The following DISP3 variants were observed in gnomAD, a reference collection of about 807,000 sequenced individuals.
The protein encoded by DISP3 is dispatched RND transporter family member 3.
DISP3 carries 101 observed loss-of-function variants against 135.3 expected under a neutral mutation model. The ratio of observed to expected loss-of-function variants is 0.75; its 90% CI spans 0.64 to 0.88. DISP3 has a LOEUF of 0.88. Among genes scored for constraint, DISP3 ranks in the 40% least tolerant of loss-of-function variants. The pLI is 0.00. For synonymous variants in DISP3, 856 were observed against 817.0 expected, an observed-to-expected ratio of 1.05 and a Z score of -0.81; for missense variants, 1,713 against 1,878.6, an observed-to-expected ratio of 0.91 and a Z score of 1.63.
intron 1 of DISP3, among the ~76,000 whole-genome samples, chr1:11,486,179 C>A (rs111777123): frequency 1.6e-4 from 24 of 152,180 alleles, no homozygotes; most frequent in African/African-American, 4.8e-4. Context: ...CTTTTCCTTC[C>A]ATGTAGACAC....
In DISP3 at chr1:11,502,883, C is replaced by G. The variant is rs1414703490; in HGVS notation, c.1302C>G (p.Ala434=). The G allele has an allele frequency of 6.2e-7, 1 of 1,613,034 alleles. No homozygotes were observed. Among genetic ancestry groups the G allele is most frequent in the South Asian group, 1.1e-5 (1 of 90,886 alleles). ...TGGTCACCTACGTGGCCATGCTGGC[C>G]AAGCAGTCTACCAGGTAGGAAGTCC... The part of the protein sequence containing the change: ...SFVVTYVAML[A]KQSTSKVQVL... Residue 434 remains alanine, a synonymous_variant, in exon 3 of 21, where the codon GCC becomes GCG. Coordinates refer to ENST00000294484, the MANE Select transcript of DISP3 (RefSeq NM_020780.2).
At chr1:11,522,739 G>A (rs377761951) in intron 10 of DISP3, among the ~76,000 whole-genome samples, 234 of 22,096 alleles carry the variant, frequency 0.011, no homozygotes, top group East Asian at 0.024. Flanking sequence ...CCCAGCCAGG[G>A]CCCAGCCAGG....
In DISP3 at chr1:11,529,971, G is replaced by A. The variant is rs1642534450; in HGVS notation, c.3102+12G>A. The A allele has an allele frequency of 6.2e-7, 1 of 1,608,870 alleles. No homozygotes were observed. The highest frequency in any genetic ancestry group is 1.3e-5 in the African/African-American group (1 of 74,988). On this transcript the variant is annotated intron_variant, in intron 15 of 20. Transcript: ENST00000294484. This position sits in a 1 kb window ranked among gnomAD's most constrained non-coding sequence, Gnocchi z 4.7. ...TCATTGGAGACCCGGTACGGGGCAT[G>A]CGTCGGGCAGATGCCGAGGGCCCCA...
chr1:11,529,662 T>G lies in DISP3; in HGVS notation c.2905T>G (p.Phe969Val), dbSNP rs1220531726. 4 of 1,607,728 alleles carry G rather than the reference T, an allele frequency of 2.5e-6. No homozygotes were observed. The highest frequency in any genetic ancestry group is 3.4e-6 in the Non-Finnish European group (4 of 1,175,026). ...SSSPDGPTKG[F>V]FFVPSEKVPK... ...CAGCCCCGATGGGCCTACCAAAGGC[T>G]TCTTCTTCGTGCCTAGTGAGAAAGG... Residue 969 changes from phenylalanine (F) to valine (V), a missense_variant, in exon 14 of 21, where the codon TTC becomes GTC. Around this residue, in one of 2 missense-constraint regions of DISP3, gnomAD observed 1,142 missense variants for 1,384.6 expected, o/e 0.82. Transcript: ENST00000294484. This position sits in a 1 kb window ranked among gnomAD's most constrained non-coding sequence, Gnocchi z 4.7.
chr1:11,501,332 G>C lies in DISP3; in HGVS notation c.340G>C (p.Glu114Gln). 1 of 1,613,816 alleles carries C rather than the reference G, an allele frequency of 6.2e-7. No individual in the cohort carries two copies. Among genetic ancestry groups the C allele is most frequent in the Non-Finnish European group, 8.5e-7 (1 of 1,180,008 alleles). The change falls in exon 2 of 21, where the codon GAG becomes CAG. Residue 114 changes from glutamate to glutamine, a missense_variant. By Grantham distance (29) the Glu-to-Gln change is conservative. Around this residue, in one of 2 missense-constraint regions of DISP3, gnomAD observed 571 missense variants for 494.1 expected, o/e 1.16. Coordinates refer to ENST00000294484, the MANE Select transcript of DISP3 (RefSeq NM_020780.2). The surrounding 1 kb of genome is among the most constrained non-coding windows in gnomAD (Gnocchi z 4.9). ...SYNAFEIRNH[E>Q]ASQRFDALTL... ...CAACGCCTTTGAGATCCGCAACCACGAGGCCTCACAGCGTTTCGACGCTCT... is the reference window on the plus strand; with the variant it reads ...CAACGCCTTTGAGATCCGCAACCACCAGGCCTCACAGCGTTTCGACGCTCT...
At position 11,524,001 on chromosome 1, in the gene DISP3, A is replaced by G. The variant is rs756533821; in HGVS notation, c.2422A>G (p.Lys808Glu). 8 of 1,613,442 alleles carry G rather than the reference A, an allele frequency of 5.0e-6. No individual in the cohort carries two copies. Among genetic ancestry groups the G allele is most frequent in the Non-Finnish European group, 6.8e-6 (8 of 1,179,840 alleles). ...QNNIRTSLEK[K>E]RRGSGVPWAS... ...CAACATCCGGACGTCCCTGGAGAAGAAGAGGCGAGGCTCAGGGGTCCCCTG... is the reference window on the plus strand; with the variant it reads ...CAACATCCGGACGTCCCTGGAGAAGGAGAGGCGAGGCTCAGGGGTCCCCTG... Residue 808 changes from lysine to glutamate, a missense_variant, in exon 11 of 21, where the codon AAG becomes GAG. Physicochemically the swap from Lys to Glu is moderately conservative, Grantham distance 56. Transcript: ENST00000294484.
Position 11,515,992 on chromosome 1 carries a change from C to T in DISP3, c.1589-9C>T. ...AATCCTGAGCCTGGCTGGGGACTCCCTCCCACAGGTGTGGACGATGTCTTT... is the reference window on the plus strand; with the variant it reads ...AATCCTGAGCCTGGCTGGGGACTCCTTCCCACAGGTGTGGACGATGTCTTT... On this transcript the variant is annotated splice_polypyrimidine_tract_variant and intron_variant, in intron 5 of 20. Transcript: ENST00000294484. 1 of 1,613,364 alleles carries T rather than the reference C, an allele frequency of 6.2e-7. No homozygotes were observed. Among genetic ancestry groups the T allele is most frequent in the Non-Finnish European group, 8.5e-7 (1 of 1,179,574 alleles).
chr1:11,513,629 G>T (rs997647373), intron 3 of DISP3, among the ~76,000 whole-genome samples: 5 of 152,142 alleles, frequency 3.3e-5, no homozygotes, highest in African/African-American at 7.2e-5. Flanking sequence ...GGGCTTCATT[G>T]CTGAAGCTTC....
At chr1:11,535,756 T>C (rs1243846465) in intron 20 of DISP3, 112 bp downstream of exon 20, 1 of 1,355,846 alleles carries the variant, frequency 7.4e-7, no homozygotes. Context: ...AGGACCCCCA[T>C]GCAGGCTGTG....
rs773093860 is a variant in DISP3 at position 11,534,367 on chromosome 1, A to G, written c.3376-14A>G. 6.2e-7 allele frequency: 1 copy of G among 1,614,114 alleles called. No homozygotes were observed. The highest frequency in any genetic ancestry group is 1.7e-5 in the Admixed American group (1 of 60,030). On this transcript the variant is annotated splice_polypyrimidine_tract_variant and intron_variant, in intron 17 of 20. Transcript: ENST00000294484. ...GTCCCTGCCTGTCTCACTAGCTCAC[A>G]TCTCTCCCCACAGACCACGTACAAG...
intron 1 of DISP3, among the ~76,000 whole-genome samples, chr1:11,489,976 G>A (rs557068177): frequency 3.9e-5 from 6 of 152,334 alleles, no homozygotes; most frequent in East Asian, 1.9e-4. Context: ...GTCATATATC[G>A]TTGGGATCTT....
In DISP3 at chr1:11,531,588, C is replaced by A; in HGVS notation, c.3253C>A (p.Gln1085Lys). The A allele has an allele frequency of 6.2e-7, 1 of 1,613,596 alleles. No individual in the cohort carries two copies. The highest frequency in any genetic ancestry group is 1.3e-5 in the African/African-American group (1 of 75,052). Residue 1085 changes from glutamine to lysine, a missense_variant, in exon 17 of 21, where the codon CAG (glutamine) becomes AAG (lysine). Around this residue, in one of 2 missense-constraint regions of DISP3, gnomAD observed 1,142 missense variants for 1,384.6 expected, o/e 0.82. Coordinates refer to ENST00000294484, the MANE Select transcript of DISP3 (RefSeq NM_020780.2). This position sits in a 1 kb window ranked among gnomAD's most constrained non-coding sequence, Gnocchi z 5.2. Reference protein sequence around the residue: ...PSGYSISSFLQMLHPECKELP... With the variant: ...PSGYSISSFLKMLHPECKELP... The stretch of plus-strand genomic sequence containing the variant: ...AGGCTACAGCATCTCCTCCTTCCTG[C>A]AGATGTTGCACCCTGAGTGCAAGGA...
chr1:11,522,860 A>AGCCAGAG (rs1642274657), intron 10 of DISP3, among the ~76,000 whole-genome samples: 3 of 52,362 alleles, frequency 5.7e-5, no homozygotes, highest in African/African-American at 2.9e-4. Flanking sequence ...CCCAGCCAGG[A>AGCCAGAG]CCCAGCCAGA....
chr1:11,515,365 C>T lies in DISP3; in HGVS notation c.1454-4C>T, dbSNP rs201998184. 5.1e-5 allele frequency: 83 copies of T among 1,614,196 alleles called. No individual in the cohort carries two copies. The highest frequency in any genetic ancestry group is 5.0e-4 in the Middle Eastern group (3 of 6,058). ...CGTCTCCCTGTGTCTCTTACCCTGC[C>T]CAGTGTTCCTGTCCTTCTTTGGGAT... is the stretch of plus-strand genomic sequence containing the variant. On this transcript the variant is annotated splice_region_variant and splice_polypyrimidine_tract_variant and intron_variant, in intron 4 of 20. Transcript: ENST00000294484.
At chr1:11,533,134 C>G (rs543459801) in intron 17 of DISP3, among the ~76,000 whole-genome samples, 3 of 152,110 alleles carry the variant, frequency 2.0e-5, no homozygotes, top group Admixed American at 2.0e-4. Flanking sequence ...AACACTAACT[C>G]CCCCTCTCCC....
At chr1:11,526,044 C>A (rs1350307512) in intron 12 of DISP3, among the ~76,000 whole-genome samples, 1 of 152,152 alleles carries the variant, frequency 6.6e-6, no homozygotes, top group Non-Finnish European at 1.5e-5. Flanking sequence ...GTTTCTTTAA[C>A]GTGGTACACA....
Position 11,529,533 on chromosome 1 carries a change from C to A in DISP3, c.2799-23C>A. 6.5e-7 allele frequency: 1 copy of A among 1,539,438 alleles called. No homozygotes were observed. Among genetic ancestry groups the A allele is most frequent in the East Asian group, 2.3e-5 (1 of 43,992 alleles). On this transcript the variant is annotated intron_variant, in intron 13 of 20. Coordinates refer to ENST00000294484, the MANE Select transcript of DISP3 (RefSeq NM_020780.2). This position sits in a 1 kb window ranked among gnomAD's most constrained non-coding sequence, Gnocchi z 4.7. Reference sequence around the variant, plus strand: ...CTCCTCCTAGCCTTTCCGGCCTCAGCCCAGCCTCCATTCCCTCCACAGGAA... The same window carrying A: ...CTCCTCCTAGCCTTTCCGGCCTCAGACCAGCCTCCATTCCCTCCACAGGAA...
Position 11,491,839 on chromosome 1 carries a change from T to A in DISP3, c.-3-9151T>A, listed in dbSNP as rs79002595. On this transcript the variant is annotated intron_variant, in intron 1 of 20. Transcript: ENST00000294484. This position sits in a 1 kb window ranked among gnomAD's most constrained non-coding sequence, Gnocchi z 4.3. ...CTCTGGCTGGCTAAGAAGTTAATAA[T>A]TGGCCGGGCGCGGTGGCTCACGCCT... 0.093 allele frequency among the ~76,000 whole-genome samples: 14,146 copies of A among 152,094 alleles called. 873 individuals are homozygous for A. Among genetic ancestry groups the A allele is most frequent in the Middle Eastern group, 0.15 (43 of 292 alleles).
intron 13 of DISP3, among the ~76,000 whole-genome samples, chr1:11,528,491 T>C (rs1360550947): frequency 2.0e-5 from 3 of 152,200 alleles, no homozygotes; most frequent in Non-Finnish European, 4.4e-5. Flanking sequence ...GATATGGTAG[T>C]GACAAAGACA....
Sources: allele counts gnomAD v4.1 joint callset (sites outside exome capture counted in the v4.1 genomes callset), GRCh38; gene constraint gnomAD v4.1.1; regional missense constraint gnomAD v4.1.1; non-coding constraint Gnocchi (gnomAD v3.1); transcripts MANE v1.5; gene names NCBI Gene and HGNC (gene_info 2026-07-23, HGNC 2026-07-21).